The following DNAH12 variants were observed in gnomAD, a reference collection of about 807,000 sequenced individuals.
DNAH12 encodes the protein axonemal beta dynein heavy chain 12.
Under a neutral mutation model 371.5 loss-of-function variants are expected in DNAH12, and 285 were observed. The ratio of observed to expected loss-of-function variants is 0.77; its 90% CI spans 0.70 to 0.85. The LOEUF is 0.85. Ranked by LOEUF, DNAH12 falls within the 40% of genes least tolerant of loss-of-function variation. DNAH12 has a pLI of 0.00. For missense variants in DNAH12, 3,611 were observed against 3,689.4 expected, an observed-to-expected ratio of 0.98 and a Z score of 0.55; for synonymous variants, 1,200 against 1,213.0, an observed-to-expected ratio of 0.99 and a Z score of 0.22.
At chr3:57,530,551 G>GT (rs542657497) in intron 2 of DNAH12, 75 of 690,630 alleles carry the variant, frequency 1.1e-4, no homozygotes, top group African/African-American at 1.0e-3. Context: ...TTTTTAGATT[G>GT]TTTTTTGTTT....
chr3:57,337,963 A>G (rs2062268968), intron 60 of DNAH12, among the ~76,000 whole-genome samples: 1 of 152,230 alleles, frequency 6.6e-6, no homozygotes, highest in Non-Finnish European at 1.5e-5. Context: ...CGGATTGGCC[A>G]TATGTTAGGA....
chr3:57,380,182 C>T lies in DNAH12; in HGVS notation c.8082+96G>A, dbSNP rs1458655390. The T allele has an allele frequency of 8.5e-5, 13 of 152,152 alleles. No individual in the cohort carries two copies. In the East Asian group the frequency reaches 2.3e-3, roughly 27 times the overall value. 9.4% of individuals were successfully genotyped at this position (152,152 alleles called of 1,614,324 possible). ...TTAATTATCTTAATCCTAAAATGGA[C>T]TATTTCTGTATGTGTTGTAAACTAT... On this transcript the variant is annotated intron_variant, in intron 51 of 73. Transcript: ENST00000495027.
intron 64 of DNAH12, 35 bp from the exon 65 acceptor site, chr3:57,322,518 T>G (rs910962386): frequency 2.0e-6 from 3 of 1,536,684 alleles, no homozygotes; most frequent in Non-Finnish European, 2.6e-6. Flanking sequence ...TTATACAAGA[T>G]AGCAAGTGGA....
Position 57,504,229 on chromosome 3 carries a change from T to G in DNAH12, c.898-25A>C, listed in dbSNP as rs757645899. On this transcript the variant is annotated intron_variant, in intron 8 of 73. Transcript: ENST00000495027. ...GCTGCGTGATATAAATCACTGTTAC[T>G]TTAGAGAGTACAAATTCAACCTTTA... The G allele has an allele frequency of 3.8e-6, 6 of 1,582,132 alleles. No individual in the cohort carries two copies. In the African/African-American group the frequency reaches 8.1e-5, roughly 21 times the overall value.
chr3:57,350,580 G>T (rs1171970611), intron 60 of DNAH12, among the ~76,000 whole-genome samples: 1 of 152,100 alleles, frequency 6.6e-6, no homozygotes, highest in Non-Finnish European at 1.5e-5. Flanking sequence ...CTTCCAGATG[G>T]TTATATAGGA....
intron 37 of DNAH12, among the ~76,000 whole-genome samples, chr3:57,418,978 T>A (rs1055421165): frequency 1.3e-5 from 2 of 152,202 alleles, no homozygotes; most frequent in African/African-American, 4.8e-5. Flanking sequence ...AGAACTGGCA[T>A]AGGACATAGG....
At chr3:57,389,147 A>AG (rs2063557304) in intron 45 of DNAH12, among the ~76,000 whole-genome samples, 1 of 151,782 alleles carries the variant, frequency 6.6e-6, no homozygotes, top group South Asian at 2.1e-4. Context: ...GTTTGTCACC[A>AG]GTTCATGTAT....
At position 57,352,201 on chromosome 3, in the gene DNAH12, CT is replaced by C; in HGVS notation, c.9557del (p.Lys3186SerfsTer6). The C allele has an allele frequency of 6.5e-7, 1 of 1,532,790 alleles. No individual in the cohort carries two copies. Among genetic ancestry groups the C allele is most frequent in the South Asian group, 1.3e-5 (1 of 78,368 alleles). The allele number at this position is 1,532,790 out of a possible 1,614,324, so 94.9% of individuals were successfully genotyped here. A position where few individuals can be genotyped will look rare whatever the true frequency, so the allele number is the denominator to read the frequency against. On this transcript the variant is annotated frameshift_variant, in exon 60 of 74. Coordinates refer to ENST00000495027, the MANE Select transcript of DNAH12 (RefSeq NM_001366028.2). LOFTEE classifies it high-confidence loss of function. ...AGTGGTCATTTAAATATCGTAGGCG[CT>C]TTTCCAAAATCTTGGATTTGTTACT... ...HDSNKSKILE[K>X]RLRYLNDHFT... is the part of the protein sequence containing the mutation.
Position 57,433,779 on chromosome 3 carries a change from C to T in DNAH12, c.4705G>A (p.Val1569Met), listed in dbSNP as rs752320211. 1.9e-6 allele frequency: 3 copies of T among 1,549,768 alleles called. No individual in the cohort carries two copies. In the South Asian group the frequency reaches 3.6e-5, roughly 19 times the overall value. ...PFAAKTKVLHVLADTLTLMNE... is the reference protein window; with the variant it reads ...PFAAKTKVLHMLADTLTLMNE... ...ATTAAAGTTAGCGTATCCGCCAGCACATGCAGAACTTTTGTCTTAGCAGCA... is the reference window on the plus strand; with the variant it reads ...ATTAAAGTTAGCGTATCCGCCAGCATATGCAGAACTTTTGTCTTAGCAGCA... The change falls in exon 31 of 74, where the codon GTG (valine) becomes ATG (methionine). Residue 1569 changes from valine to methionine, a missense_variant. Physicochemically the swap from Val to Met is conservative, Grantham distance 21. Transcript: ENST00000495027.
chr3:57,421,002 G>A (rs375751861), intron 36 of DNAH12, among the ~76,000 whole-genome samples: 14 of 150,104 alleles, frequency 9.3e-5, no homozygotes, highest in African/African-American at 2.7e-4. Flanking sequence ...TTGACTTCCC[G>A]CTATGGCTAA....
chr3:57,530,912 G>A (rs2068821235), intron 2 of DNAH12: 2 of 157,282 alleles, frequency 1.3e-5, no homozygotes, highest in African/African-American at 2.4e-5. Flanking sequence ...TCTTGTGGGA[G>A]GGCTTACTCT....
At chr3:57,371,757 A>C (rs2063175520) in intron 55 of DNAH12, among the ~76,000 whole-genome samples, 3 of 138,734 alleles carry the variant, frequency 2.2e-5, no homozygotes, top group African/African-American at 7.4e-5. Flanking sequence ...AAAAATTGGA[A>C]AATTTCCAGA....
intron 4 of DNAH12, among the ~76,000 whole-genome samples, chr3:57,512,242 C>T (rs1439761620): frequency 1.3e-5 from 2 of 152,052 alleles, no homozygotes; most frequent in Admixed American, 1.3e-4. Context: ...ATAAGCCAAT[C>T]ACAAGAAAAC....
At chr3:57,382,414 A>C (rs2063411747) in intron 49 of DNAH12, 21 bp from the exon 50 acceptor site, 1 of 152,208 alleles carries the variant, frequency 6.6e-6, no homozygotes, top group Non-Finnish European at 1.5e-5. Flanking sequence ...AAAACAAAAA[A>C]CAAACAGGAC....
intron 58 of DNAH12, among the ~76,000 whole-genome samples, chr3:57,357,892 T>C (rs1189162079): frequency 2.0e-5 from 3 of 152,216 alleles, no homozygotes; most frequent in Non-Finnish European, 4.4e-5. Flanking sequence ...TATACAAGAA[T>C]GCTTTTTCAA....
At chr3:57,309,379 T>A in intron 68 of DNAH12, 125 bp from the exon 69 acceptor site, 1 of 783,208 alleles carries the variant, frequency 1.3e-6, no homozygotes, top group Non-Finnish European at 2.0e-6. Flanking sequence ...CGTACAGTAA[T>A]GTATATAAGT....
chr3:57,540,018 A>G (rs2069207741), intron 2 of DNAH12, among the ~76,000 whole-genome samples: 1 of 151,920 alleles, frequency 6.6e-6, no homozygotes, highest in Admixed American at 6.6e-5. Context: ...CTAGCATACA[A>G]ACAACTTAAA....
In DNAH12 at chr3:57,413,843, T is replaced by A; in HGVS notation, c.5923A>T (p.Ile1975Leu). 6.4e-7 allele frequency: 1 copy of A among 1,551,282 alleles called. No individual in the cohort carries two copies. The highest frequency in any genetic ancestry group is 8.7e-7 in the Non-Finnish European group (1 of 1,146,724). The change falls in exon 39 of 74, where the codon ATA becomes TTA. Residue 1975 changes from isoleucine to leucine, a missense_variant. This residue lies in a region of DNAH12 where 2,266 missense variants were observed against 2,236.9 expected (regional missense o/e 1.01). Transcript: ENST00000495027. ...ATATTCATATCATCTATAAAAATTA[T>A]ACACTTCTTTCCCATAGGTGGTCCA... is the stretch of plus-strand genomic sequence containing the variant. ...VFGPPMGKKC[I>L]IFIDDMNMPA... is the part of the protein sequence containing the mutation.
intron 73 of DNAH12, 143 bp from the exon 74 acceptor site, chr3:57,294,114 T>C: frequency 1.6e-6 from 1 of 644,904 alleles, no homozygotes; most frequent in South Asian, 3.6e-5. Context: ...ACAGCATATA[T>C]ATTTTTTTAC....
Sources: allele counts gnomAD v4.1 joint callset (sites outside exome capture counted in the v4.1 genomes callset), GRCh38; gene constraint gnomAD v4.1.1; regional missense constraint gnomAD v4.1.1; transcripts MANE v1.5; gene names NCBI Gene and HGNC (gene_info 2026-07-23, HGNC 2026-07-21).